DDX23: variants seen among roughly 807,000 people sequenced by gnomAD.
The protein encoded by DDX23 is DEAD-box helicase 23.
DDX23 carries 33 observed loss-of-function variants against 102.7 expected under a neutral mutation model. The observed-to-expected ratio is 0.32, with a 90% CI of 0.24 to 0.43. DDX23 has a LOEUF of 0.43. Among genes scored for constraint, DDX23 ranks in the 20% least tolerant of loss-of-function variants. The probability of loss-of-function intolerance (pLI) is 1.00; values close to 1 mark genes in which losing one functional copy is unlikely to be tolerated. For missense variants in DDX23, 549 were observed against 1,086.6 expected (o/e 0.51, Z 6.96); for synonymous variants, 352 against 376.0 (o/e 0.94, Z 0.74).
At chr12:48,850,158 T>A (rs180732861) in intron 1 of DDX23, among the ~76,000 whole-genome samples, 1 of 152,222 alleles carries the variant, frequency 6.6e-6, no homozygotes. Flanking sequence ...TATGGTACTC[T>A]AGGCAAGAGA....
chr12:48,843,162 G>A (rs1938598943), intron 3 of DDX23, among the ~76,000 whole-genome samples: 1 of 150,064 alleles, frequency 6.7e-6, no homozygotes, highest in African/African-American at 2.5e-5. Context: ...AAACACTGCG[G>A]AAGGCCGCAG....
At position 48,831,256 on chromosome 12, in the gene DDX23, T is replaced by A; in HGVS notation, c.2125A>T (p.Asn709Tyr). ...ATATCCTTGGCCCCAGCCTTGAGGT[T>A]GGACAACGCAAACTCTCGCTGCTCC... is the stretch of plus-strand genomic sequence containing the variant. ...GQEQREFALS[N>Y]LKAGAKDILV... The change falls in exon 16 of 17, where the codon AAC becomes TAC. Residue 709 changes from asparagine to tyrosine, a missense_variant. Around this residue, in one of 4 missense-constraint regions of DDX23, gnomAD observed 270 missense variants for 707.0 expected, o/e 0.38. Transcript: ENST00000308025. The A allele has an allele frequency of 6.2e-7, 1 of 1,614,222 alleles. No homozygotes were observed. Among genetic ancestry groups the A allele is most frequent in the Non-Finnish European group, 8.5e-7 (1 of 1,180,040 alleles).
At position 48,832,190 on chromosome 12, in the gene DDX23, G is replaced by A; in HGVS notation, c.1956-4C>T. 6.2e-7 allele frequency: 1 copy of A among 1,613,814 alleles called. No homozygotes were observed. Among genetic ancestry groups the A allele is most frequent in the Admixed American group, 1.7e-5 (1 of 59,954 alleles). ...CAAGATTGCCAGCAGCTTTTTCCTG[G>A]AAGGAAGAGGAGAAAAACAAGATGC... On this transcript the variant is annotated splice_region_variant and splice_polypyrimidine_tract_variant and intron_variant, in intron 14 of 16. Coordinates refer to ENST00000308025, the MANE Select transcript of DDX23 (RefSeq NM_004818.3). This position sits in a 1 kb window ranked among gnomAD's most constrained non-coding sequence, Gnocchi z 4.4.
At chr12:48,831,355 A>G (rs374466884) in intron 15 of DDX23, 39 bp from the exon 16 acceptor site, 1 of 1,605,146 alleles carries the variant, frequency 6.2e-7, no homozygotes, top group Non-Finnish European at 8.5e-7. Context: ...GAGCAATGCA[A>G]TCAAGGAGAG....
Position 48,836,257 on chromosome 12 carries a change from G to A in DDX23, c.1246C>T (p.Pro416Ser). Residue 416 changes from proline (P) to serine (S), a missense_variant, in exon 11 of 17, where the codon CCT becomes TCT. Transcript: ENST00000308025. The surrounding 1 kb of genome is among the most constrained non-coding windows in gnomAD (Gnocchi z 6.1). ...IDKCGYKEPT[P>S]IQRQAIPIGL... ...ATGGGAATTGCCTGACGCTGTATAGGTGTTGGTTCCTGCAGTGACCCCAAG... is the reference window on the plus strand; with the variant it reads ...ATGGGAATTGCCTGACGCTGTATAGATGTTGGTTCCTGCAGTGACCCCAAG... The A allele has an allele frequency of 2.5e-6, 4 of 1,614,182 alleles. No homozygotes were observed. Among genetic ancestry groups the A allele is most frequent in the Non-Finnish European group, 3.4e-6 (4 of 1,180,036 alleles).
At position 48,830,426 on chromosome 12, in the gene DDX23, G is replaced by A; in HGVS notation, c.*43C>T. The A allele has an allele frequency of 6.2e-7, 1 of 1,606,028 alleles. No individual in the cohort carries two copies. Among genetic ancestry groups the A allele is most frequent in the Admixed American group, 1.7e-5 (1 of 59,938 alleles). On this transcript the variant is annotated 3_prime_UTR_variant, in exon 17 of 17. Transcript: ENST00000308025. This position sits in a 1 kb window ranked among gnomAD's most constrained non-coding sequence, Gnocchi z 4.9. ...TGAGGGTTCTGAAAAACAGGCATCA[G>A]GCAGCTTTGGAGATGCCCTCAGCCC...
At chr12:48,833,616 T>G in intron 12 of DDX23, 97 bp from the exon 13 acceptor site, 1 of 1,463,186 alleles carries the variant, frequency 6.8e-7, no homozygotes, top group Non-Finnish European at 9.2e-7. Context: ...CCTCCAATGC[T>G]GAGGAACTTG....
rs1565676258 is a variant in DDX23 at position 48,836,563 on chromosome 12, C to T, written c.1236+6G>A. The T allele has an allele frequency of 6.2e-6, 10 of 1,612,264 alleles. No individual in the cohort carries two copies. Among genetic ancestry groups the T allele is most frequent in the Non-Finnish European group, 8.5e-6 (10 of 1,179,394 alleles). On this transcript the variant is annotated splice_donor_region_variant and intron_variant, in intron 10 of 16. Coordinates refer to ENST00000308025, the MANE Select transcript of DDX23 (RefSeq NM_004818.3). This position sits in a 1 kb window ranked among gnomAD's most constrained non-coding sequence, Gnocchi z 6.1. ...AGATCTCTTGGGCCAATCTATCCCT[C>T]CTTACCTTGTAGCCACACTTATCAA...
At chr12:48,845,474 A>G (rs1938650379) in intron 2 of DDX23, 100 bp downstream of exon 2, 12 of 1,336,794 alleles carry the variant, frequency 9.0e-6, no homozygotes, top group Non-Finnish European at 1.3e-5. Flanking sequence ...ATAAAAATAA[A>G]AAGTAGATGC....
In DDX23 at chr12:48,840,550, ATTT is replaced by A. The variant is rs747756955; in HGVS notation, c.321-447_321-445del. Among the ~76,000 whole-genome samples, 473 of 131,900 alleles carry A rather than the reference ATTT, an allele frequency of 3.6e-3. 1 individual carries two copies. The highest frequency in any genetic ancestry group is 0.015 in the Middle Eastern group (4 of 260). 86.5% of individuals were successfully genotyped at this position (131,900 alleles called of 152,430 possible). ...GCCAGGTGTGGTTGTTTAGAGAAAA[ATTT>A]TTTTTTTTTTTTTTTTTGAGACACA... is the stretch of plus-strand genomic sequence containing the variant. On this transcript the variant is annotated intron_variant, in intron 3 of 16. Transcript: ENST00000308025.
At chr12:48,837,703 A>G in intron 6 of DDX23, 46 bp from the exon 7 acceptor site, 1 of 1,610,360 alleles carries the variant, frequency 6.2e-7, no homozygotes, top group Non-Finnish European at 8.5e-7. Flanking sequence ...CATGGAAGAA[A>G]AGAGGAGAGG....
At chr12:48,831,467 A>G (rs2137480099) in intron 15 of DDX23, 151 bp from the exon 16 acceptor site, 6 of 780,312 alleles carry the variant, frequency 7.7e-6, no homozygotes, top group Admixed American at 4.4e-5. Context: ...GCAGTGAAAG[A>G]AGGAGAGAAC....
intron 12 of DDX23, among the ~76,000 whole-genome samples, chr12:48,833,752 G>A (rs573718131): frequency 6.6e-6 from 1 of 152,222 alleles, no homozygotes; most frequent in Non-Finnish European, 1.5e-5. Context: ...AGACAGAGGA[G>A]GCAAAATCAG....
At chr12:48,835,454 A>G (rs551041937) in intron 11 of DDX23, among the ~76,000 whole-genome samples, 2 of 152,304 alleles carry the variant, frequency 1.3e-5, no homozygotes, top group East Asian at 3.9e-4. Context: ...TCACGCCTGT[A>G]ATTCCAACAC....
In DDX23 at chr12:48,840,096, C is replaced by T. The variant is rs771138266; in HGVS notation, c.331G>A (p.Gly111Ser). 3.7e-6 allele frequency: 6 copies of T among 1,613,806 alleles called. No homozygotes were observed. The highest frequency in any genetic ancestry group is 1.1e-5 in the South Asian group (1 of 91,060). Residue 111 changes from glycine to serine, a missense_variant, in exon 4 of 17, where the codon GGT becomes AGT. Physicochemically the swap from Gly to Ser is moderately conservative, Grantham distance 56. Around this residue, in one of 4 missense-constraint regions of DDX23, gnomAD observed 241 missense variants for 267.0 expected, o/e 0.90. Coordinates refer to ENST00000308025, the MANE Select transcript of DDX23 (RefSeq NM_004818.3). The part of the protein sequence containing the change: ...KDRKRSSLSP[G>S]RGKDFKSRKD... ...CGAGATTTAAAGTCTTTTCCTCGACCAGGAGATAAGCTTTGAGGAAAAGGA... is the reference window on the plus strand; with the variant it reads ...CGAGATTTAAAGTCTTTTCCTCGACTAGGAGATAAGCTTTGAGGAAAAGGA...
chr12:48,844,144 G>T, intron 2 of DDX23, 94 bp from the exon 3 acceptor site: 1 of 1,144,846 alleles, frequency 8.7e-7, no homozygotes, highest in Non-Finnish European at 1.3e-6. Flanking sequence ...TCGTCCCAAA[G>T]TAATGTTTTA....
chr12:48,848,932 T>G (rs1173469234), intron 1 of DDX23, among the ~76,000 whole-genome samples: 1 of 152,024 alleles, frequency 6.6e-6, no homozygotes, highest in African/African-American at 2.4e-5. Context: ...TTTTGTATTT[T>G]TAGTAGAGGC....
intron 3 of DDX23, among the ~76,000 whole-genome samples, chr12:48,842,959 A>G (rs1469101225): frequency 6.6e-6 from 1 of 150,408 alleles, no homozygotes; most frequent in African/African-American, 2.4e-5. Context: ...ACTAAGAAAA[A>G]TTCTTCTGCC....
intron 5 of DDX23, among the ~76,000 whole-genome samples, chr12:48,838,754 G>A (rs887928575): frequency 6.6e-5 from 10 of 152,006 alleles, no homozygotes; most frequent in African/African-American, 1.9e-4. Context: ...TCAGGAGGCT[G>A]AGGCAGGAGA....
Sources: gnomAD v4.1 joint callset for allele counts (sites outside exome capture counted in the v4.1 genomes callset) on GRCh38, gnomAD v4.1.1 for gene constraint, gnomAD v4.1.1 regional missense constraint, Gnocchi (gnomAD v3.1) non-coding constraint, MANE v1.5 for transcripts, NCBI Gene and HGNC (gene_info 2026-07-23, HGNC 2026-07-21) for gene names.